ATXN7: variants seen among roughly 807,000 people sequenced by gnomAD.
The protein encoded by ATXN7 is ataxin 7, also known as ataxin-7.
ATXN7 carries 12 observed loss-of-function variants against 70.5 expected under a neutral mutation model. The ratio of observed to expected loss-of-function variants is 0.17; its 90% CI spans 0.11 to 0.28. The LOEUF (loss-of-function observed/expected upper bound fraction) is 0.28, where lower values mean the gene tolerates loss of function less well. ATXN7 is among the 10% of genes least tolerant of loss of function. The pLI is 1.00. For synonymous variants in ATXN7, 498 were observed against 448.7 expected (o/e 1.11, Z -1.39); for missense variants, 1,256 against 1,131.7 (o/e 1.11, Z -1.58).
Position 63,870,064 on chromosome 3 carries a change from AGTAAATAT to A in ATXN7, c.-111+5907_-111+5914del, listed in dbSNP as rs564885380. On this transcript the variant is annotated intron_variant, in intron 1 of 12. Transcript: ENST00000674280. ...GCAAATTTTCTGTAAAGGACCATAT[AGTAAATAT>A]TGTTTACTTTGCCAGCCATCCAGGT... is the stretch of plus-strand genomic sequence containing the variant. Among the ~76,000 whole-genome samples, 5 of 152,320 alleles carry A rather than the reference AGTAAATAT, an allele frequency of 3.3e-5. No individual in the cohort carries two copies. The East Asian group carries it at 9.7e-4, about 29-fold the overall frequency.
chr3:63,949,486 C>T (rs1272330122), intron 4 of ATXN7, among the ~76,000 whole-genome samples: 1 of 152,140 alleles, frequency 6.6e-6, no homozygotes, highest in African/African-American at 2.4e-5. Flanking sequence ...GCAACCTCCA[C>T]CTCCCAGGTT....
intron 3 of ATXN7, 70 bp downstream of exon 3, chr3:63,912,993 GC>G (rs1460244122): frequency 8.2e-5 from 82 of 1,001,144 alleles, no homozygotes; most frequent in Non-Finnish European, 9.3e-5. Flanking sequence ...CCTCCCCCCT[GC>G]CCCCCTCCTG....
At chr3:63,895,238 G>A (rs75283892) in intron 1 of ATXN7, among the ~76,000 whole-genome samples, 4 of 152,134 alleles carry the variant, frequency 2.6e-5, no homozygotes, top group South Asian at 2.1e-4. Context: ...ATGACATAAC[G>A]AGGTGATTCA....
At position 64,003,433 on chromosome 3, in the gene ATXN7, A is replaced by G. The variant is rs1240040683; in HGVS notation, c.*3966A>G. The G allele has an allele frequency of 6.6e-6, 1 of 152,130 alleles. No individual in the cohort carries two copies. Among genetic ancestry groups the G allele is most frequent in the Non-Finnish European group, 1.5e-5 (1 of 68,008 alleles). 9.4% of individuals were successfully genotyped at this position (152,130 alleles called of 1,614,324 possible). On this transcript the variant is annotated 3_prime_UTR_variant, in exon 13 of 13. Transcript: ENST00000674280. ...TTTGTTTTGTAACAAGTTTCTGTAA[A>G]TAAAATAATTTATACTATTTATAAG...
At chr3:63,928,576 C>G (rs559471955) in intron 4 of ATXN7, among the ~76,000 whole-genome samples, 23 of 152,286 alleles carry the variant, frequency 1.5e-4, no homozygotes, top group African/African-American at 4.3e-4. Flanking sequence ...CATGGACTGC[C>G]TCAATCCTTA....
chr3:63,908,369 AG>A (rs1455143979), intron 2 of ATXN7, among the ~76,000 whole-genome samples: 1 of 152,212 alleles, frequency 6.6e-6, no homozygotes, highest in African/African-American at 2.4e-5. Flanking sequence ...GAACGAGGAA[AG>A]GGGAAAGATG....
At chr3:63,932,596 C>T (rs184125571) in intron 4 of ATXN7, among the ~76,000 whole-genome samples, 18 of 152,262 alleles carry the variant, frequency 1.2e-4, no homozygotes, top group Non-Finnish European at 2.6e-4. Context: ...GGCTGGTGGA[C>T]AGTGTTGTAT....
chr3:63,944,649 ACC>A (rs1011097853), intron 4 of ATXN7, among the ~76,000 whole-genome samples: 1 of 152,204 alleles, frequency 6.6e-6, no homozygotes, highest in African/African-American at 2.4e-5. Flanking sequence ...AGAAAGCAAA[ACC>A]ATGAATAAGC....
intron 2 of ATXN7, chr3:63,912,000 G>GGGGCTTGACGTGC: frequency 6.6e-6 from 1 of 152,454 alleles, no homozygotes; most frequent in South Asian, 2.1e-4. Context: ...CTCCAGTCCG[G>GGGGCTTGACGTGC]GGGCTTGACG....
At chr3:63,864,471 G>C (rs1056545807) in intron 1 of ATXN7, 9 of 152,104 alleles carry the variant, frequency 5.9e-5, no homozygotes, top group African/African-American at 2.2e-4. Flanking sequence ...GGGCGCGGCC[G>C]GCAATCAAAA....
At chr3:63,951,180 A>G (rs1172673224) in intron 4 of ATXN7, among the ~76,000 whole-genome samples, 1 of 152,126 alleles carries the variant, frequency 6.6e-6, no homozygotes, top group African/African-American at 2.4e-5. Flanking sequence ...TTCGGATTAT[A>G]GCTAGCTATC....
chr3:63,995,415 C>G (rs752003938), intron 11 of ATXN7, 90 bp from the exon 12 acceptor site: 8 of 1,448,490 alleles, frequency 5.5e-6, no homozygotes, highest in African/African-American at 1.4e-5. Context: ...GATGGTTTCT[C>G]TTTGTCACAA....
rs2075780547 is a variant in ATXN7 at position 63,997,548 on chromosome 3, CTGTAGCTGTT to C, written c.2661+1067_2661+1076del. ...CTCTTCTGCCTGTTACTGACCTCACCTGTAGCTGTTTCTTCCAGCTTCCTTTGCTCTAACT... is the reference window on the plus strand; with the variant it reads ...CTCTTCTGCCTGTTACTGACCTCACCTCTTCCAGCTTCCTTTGCTCTAACT... On this transcript the variant is annotated intron_variant, in intron 12 of 12. Coordinates refer to ENST00000674280, the MANE Select transcript of ATXN7 (RefSeq NM_001377405.1). The C allele has an allele frequency of 3.8e-6, 5 of 1,301,486 alleles. No individual in the cohort carries two copies. In the Admixed American group the frequency reaches 9.9e-5, roughly 26 times the overall value. The allele number at this position is 1,301,486 out of a possible 1,614,324, so 80.6% of individuals were successfully genotyped here. A position where few individuals can be genotyped will look rare whatever the true frequency, so the allele number is the denominator to read the frequency against.
At chr3:63,870,944 G>A (rs780690769) in intron 1 of ATXN7, among the ~76,000 whole-genome samples, 8 of 152,056 alleles carry the variant, frequency 5.3e-5, no homozygotes, top group Non-Finnish European at 1.0e-4. Flanking sequence ...AATTTCATCC[G>A]GCCATCACTG....
chr3:63,970,078 G>T (rs1324332392), intron 5 of ATXN7, among the ~76,000 whole-genome samples: 1 of 152,218 alleles, frequency 6.6e-6, no homozygotes, highest in African/African-American at 2.4e-5. Context: ...GCAGAGAGAA[G>T]TCCTTATGGC....
intron 4 of ATXN7, among the ~76,000 whole-genome samples, chr3:63,941,516 G>T (rs968955704): frequency 2.0e-5 from 3 of 152,156 alleles, no homozygotes; most frequent in Non-Finnish European, 4.4e-5. Context: ...TTCTCTCCTT[G>T]CCCCAGTCCC....
At chr3:63,903,347 A>ACTG (rs965239452) in intron 2 of ATXN7, among the ~76,000 whole-genome samples, 1 of 143,206 alleles carries the variant, frequency 7.0e-6, no homozygotes, top group African/African-American at 2.6e-5. Flanking sequence ...AGATTGCGCC[A>ACTG]CTGCACTCCA....
intron 5 of ATXN7, among the ~76,000 whole-genome samples, chr3:63,961,864 C>T (rs1046235816): frequency 6.6e-6 from 1 of 152,078 alleles, no homozygotes; most frequent in Non-Finnish European, 1.5e-5. Context: ...GGAGATATTT[C>T]GGGATATAAA....
intron 1 of ATXN7, among the ~76,000 whole-genome samples, chr3:63,870,269 AT>A (rs1702556907): frequency 6.6e-6 from 1 of 152,214 alleles, no homozygotes; most frequent in African/African-American, 2.4e-5. Context: ...TGTGAAAGTC[AT>A]TCTTAGCTCC....
Sources: allele counts gnomAD v4.1 joint callset (sites outside exome capture counted in the v4.1 genomes callset), GRCh38; gene constraint gnomAD v4.1.1; transcripts MANE v1.5; gene names NCBI Gene and HGNC (gene_info 2026-07-23, HGNC 2026-07-21).